The following SGPP1 variants were observed in gnomAD, a reference collection of about 807,000 sequenced individuals.
SGPP1 encodes the protein sphingosine-1-phosphate phosphatase 1.
SGPP1 carries 21 observed loss-of-function variants against 33.0 expected under a neutral mutation model. The ratio of observed to expected loss-of-function variants is 0.64; its 90% CI spans 0.45 to 0.92. SGPP1 has a LOEUF of 0.92. SGPP1 is among the 40% of genes least tolerant of loss of function. SGPP1 has a pLI of 0.00. For missense variants in SGPP1, 543 were observed against 589.4 expected, an observed-to-expected ratio of 0.92 and a Z score of 0.81; for synonymous variants, 239 against 241.2, an observed-to-expected ratio of 0.99 and a Z score of 0.08.
intron 1 of SGPP1, among the ~76,000 whole-genome samples, chr14:63,702,350 C>T (rs1027622176): frequency 5.3e-5 from 8 of 151,964 alleles, no homozygotes; most frequent in East Asian, 1.9e-4. Flanking sequence ...TTTTATTGAC[C>T]GACTTTTTTT....
At position 63,695,203 on chromosome 14, in the gene SGPP1, C is replaced by T. The variant is rs565381795; in HGVS notation, c.774+3366G>A. Among the ~76,000 whole-genome samples the T allele has an allele frequency of 4.5e-4, 68 of 152,256 alleles. No homozygotes were observed. The South Asian group carries it at 7.9e-3, about 18-fold the overall frequency. On this transcript the variant is annotated intron_variant, in intron 2 of 2. Coordinates refer to ENST00000247225, the MANE Select transcript of SGPP1 (RefSeq NM_030791.4). ...TCCCCAGTAGCTGGGACTACAGGCG[C>T]CCGCCACCACGCCTGGCTAATTTTT... is the stretch of plus-strand genomic sequence containing the variant.
intron 2 of SGPP1, among the ~76,000 whole-genome samples, chr14:63,693,607 T>C (rs1885129939): frequency 1.3e-5 from 2 of 152,162 alleles, no homozygotes; most frequent in Admixed American, 6.5e-5. Flanking sequence ...GTTAGCTTTT[T>C]ATTAATTATT....
Position 63,727,716 on chromosome 14 carries a change from G to C in SGPP1, c.229C>G (p.Pro77Ala). The change falls in exon 1 of 3, where the codon CCG (proline) becomes GCG (alanine). Residue 77 changes from proline (P) to alanine (A), a missense_variant. Transcript: ENST00000247225. Reference sequence around the variant, plus strand: ...GCGCCGCCGCCGTCCGGCTTGGCCGGGCACTGATTGCGGTCGCTCCCGGGA... The same window carrying C: ...GCGCCGCCGCCGTCCGGCTTGGCCGCGCACTGATTGCGGTCGCTCCCGGGA... ...QPPGSDRNQC[P>A]AKPDGGGAPN... 7.0e-7 allele frequency: 1 copy of C among 1,421,982 alleles called. No individual in the cohort carries two copies. Among genetic ancestry groups the C allele is most frequent in the Non-Finnish European group, 9.1e-7 (1 of 1,096,644 alleles). 88.1% of individuals were successfully genotyped at this position (1,421,982 alleles called of 1,614,324 possible). A position where few individuals can be genotyped will look rare whatever the true frequency, so the allele number is the denominator to read the frequency against.
intron 1 of SGPP1, among the ~76,000 whole-genome samples, chr14:63,719,280 C>T (rs893503890): frequency 3.3e-5 from 5 of 150,922 alleles, no homozygotes; most frequent in African/African-American, 1.2e-4. Flanking sequence ...GCTATGATTA[C>T]AGGTGTGAGC....
At chr14:63,717,282 A>C (rs1026411541) in intron 1 of SGPP1, among the ~76,000 whole-genome samples, 1 of 150,894 alleles carries the variant, frequency 6.6e-6, no homozygotes, top group African/African-American at 2.4e-5. Context: ...GGACCTGTGA[A>C]TGAACAGTTT....
chr14:63,717,998 C>T (rs1885669805), intron 1 of SGPP1, among the ~76,000 whole-genome samples: 1 of 152,140 alleles, frequency 6.6e-6, no homozygotes, highest in Admixed American at 6.6e-5. Flanking sequence ...GTAATCCCAA[C>T]ACTTTAGGAG....
At position 63,727,978 on chromosome 14, in the gene SGPP1, C is replaced by T. The variant is rs777566908; in HGVS notation, c.-34G>A. 1 of 1,521,920 alleles carries T rather than the reference C, an allele frequency of 6.6e-7. No homozygotes were observed. Among genetic ancestry groups the T allele is most frequent in the African/African-American group, 1.4e-5 (1 of 70,226 alleles). 94.3% of individuals were successfully genotyped at this position (1,521,920 alleles called of 1,614,324 possible). On this transcript the variant is annotated 5_prime_UTR_variant, in exon 1 of 3. Transcript: ENST00000247225. ...AACCCCCGGGAAGGCGGGCCGGCCT[C>T]CGGCGCAGCCCCGAACTGTCCCCGC... is the stretch of plus-strand genomic sequence containing the variant.
chr14:63,692,406 A>G (rs1434794188), intron 2 of SGPP1, among the ~76,000 whole-genome samples: 2 of 152,192 alleles, frequency 1.3e-5, no homozygotes, highest in African/African-American at 4.8e-5. Context: ...ACATTTTGAG[A>G]ATCAGAAATT....
Position 63,728,000 on chromosome 14 carries a change from C to T in SGPP1, c.-56G>A, listed in dbSNP as rs368823952. The T allele has an allele frequency of 3.0e-3, 4,422 of 1,473,406 alleles. 77 individuals carry two copies. Among genetic ancestry groups the T allele is most frequent in the South Asian group, 0.027 (2,099 of 78,056 alleles). The allele number at this position is 1,473,406 out of a possible 1,614,324, so 91.3% of individuals were successfully genotyped here. A position where few individuals can be genotyped will look rare whatever the true frequency, so the allele number is the denominator to read the frequency against. ...CCTCCGGCGCAGCCCCGAACTGTCC[C>T]CGCGCTCCTGGCCAGCGGCAGCGGA... On this transcript the variant is annotated 5_prime_UTR_variant, in exon 1 of 3. Coordinates refer to ENST00000247225, the MANE Select transcript of SGPP1 (RefSeq NM_030791.4).
chr14:63,688,016 T>C (rs1372502675), intron 2 of SGPP1, among the ~76,000 whole-genome samples: 1 of 151,798 alleles, frequency 6.6e-6, no homozygotes, highest in Non-Finnish European at 1.5e-5. Flanking sequence ...TCCCAACTAC[T>C]TGGGAGGCTG....
At chr14:63,719,913 G>A (rs1260348729) in intron 1 of SGPP1, among the ~76,000 whole-genome samples, 7 of 147,550 alleles carry the variant, frequency 4.7e-5, no homozygotes, top group Non-Finnish European at 9.0e-5. Context: ...TCAAGAATTC[G>A]AGACCAGCCT....
chr14:63,725,859 A>G (rs1885867850), intron 1 of SGPP1, among the ~76,000 whole-genome samples: 1 of 152,252 alleles, frequency 6.6e-6, no homozygotes, highest in African/African-American at 2.4e-5. Context: ...CACGAAAATA[A>G]GAGAAACATC....
chr14:63,687,449 G>C (rs1885002954), intron 2 of SGPP1, among the ~76,000 whole-genome samples: 1 of 152,100 alleles, frequency 6.6e-6, no homozygotes. Context: ...AACCACATAA[G>C]AAAGCAGATA....
rs765994021 is a variant in SGPP1, at chr14:63,686,285, T to C, written c.1146A>G (p.Val382=). ...CTAAAGGAATGGTGATCTTTTTCATTACATCTCTGATTATTAGTACAAATA... is the reference window on the plus strand; with the variant it reads ...CTAAAGGAATGGTGATCTTTTTCATCACATCTCTGATTATTAGTACAAATA... ...GMVFVLIIRD[V]MKKITIPLAC... is the part of the protein sequence containing the mutation. Residue 382 remains valine (V), a synonymous_variant, in exon 3 of 3, where the codon GTA becomes GTG. Coordinates refer to ENST00000247225, the MANE Select transcript of SGPP1 (RefSeq NM_030791.4). The C allele has an allele frequency of 9.3e-6, 15 of 1,614,182 alleles. No homozygotes were observed. Among genetic ancestry groups the C allele is most frequent in the Non-Finnish European group, 1.3e-5 (15 of 1,180,012 alleles).
chr14:63,691,981 AG>A (rs1885102012), intron 2 of SGPP1, among the ~76,000 whole-genome samples: 1 of 152,234 alleles, frequency 6.6e-6, no homozygotes, highest in Admixed American at 6.5e-5. Flanking sequence ...AAAGGAAGAA[AG>A]AAAAAGAGTT....
intron 2 of SGPP1, among the ~76,000 whole-genome samples, chr14:63,691,029 A>T (rs1187131198): frequency 6.6e-6 from 1 of 152,178 alleles, no homozygotes; most frequent in Non-Finnish European, 1.5e-5. Context: ...AAAACATTTT[A>T]AAAATTTTAT....
intron 2 of SGPP1, among the ~76,000 whole-genome samples, chr14:63,694,315 GTCTT>G (rs1885146556): frequency 6.6e-6 from 1 of 151,652 alleles, no homozygotes; most frequent in African/African-American, 2.4e-5. Context: ...TTCATTAAAT[GTCTT>G]TAAATTGTTA....
intron 2 of SGPP1, among the ~76,000 whole-genome samples, chr14:63,695,834 C>T (rs1885176636): frequency 6.6e-6 from 1 of 152,014 alleles, no homozygotes; most frequent in Non-Finnish European, 1.5e-5. Context: ...TCACTTGGGC[C>T]CAGGAGTTTG....
chr14:63,722,860 T>A (rs1885801983), intron 1 of SGPP1, among the ~76,000 whole-genome samples: 1 of 151,146 alleles, frequency 6.6e-6, no homozygotes, highest in Admixed American at 6.6e-5. Flanking sequence ...TGGTCCCAGC[T>A]ACTTGGGAGG....
Sources: gnomAD v4.1 joint callset for allele counts (sites outside exome capture counted in the v4.1 genomes callset) on GRCh38, gnomAD v4.1.1 for gene constraint, MANE v1.5 for transcripts, NCBI Gene and HGNC (gene_info 2026-07-23, HGNC 2026-07-21) for gene names.